PLXDC2: variants seen among roughly 807,000 people sequenced by gnomAD.
PLXDC2 encodes plexin domain containing 2.
A neutral mutation model predicts 68.9 loss-of-function variants in PLXDC2; 40 were observed. The ratio of observed to expected loss-of-function variants is 0.58; its 90% CI spans 0.45 to 0.76. PLXDC2 has a LOEUF of 0.76. PLXDC2 is among the 30% of genes least tolerant of loss of function. PLXDC2 has a pLI of 0.00. For synonymous variants in PLXDC2, 243 were observed against 234.2 expected (o/e 1.04, Z -0.34); for missense variants, 644 against 661.9 (o/e 0.97, Z 0.30).
chr10:19,955,970 T>C (rs557353735), intron 1 of PLXDC2, among the ~76,000 whole-genome samples: 2 of 152,048 alleles, frequency 1.3e-5, no homozygotes, highest in Non-Finnish European at 2.9e-5. Context: ...TCCCAGCTAC[T>C]TGGGAGGCTG....
intron 9 of PLXDC2, 26 bp from the exon 10 acceptor site, chr10:20,211,643 G>A: frequency 6.2e-7 from 1 of 1,611,380 alleles, no homozygotes; most frequent in Non-Finnish European, 8.5e-7. Context: ...TTCCTTTTCT[G>A]AACTGCATTG....
intron 12 of PLXDC2, among the ~76,000 whole-genome samples, chr10:20,230,706 A>AAAAAAAC: frequency 6.7e-6 from 1 of 149,748 alleles, no homozygotes; most frequent in South Asian, 2.1e-4. Context: ...AAAAAAAAAA[A>AAAAAAAC]AAAAAAAACA....
At chr10:20,157,802 T>C (rs1834236676) in intron 6 of PLXDC2, among the ~76,000 whole-genome samples, 1 of 152,240 alleles carries the variant, frequency 6.6e-6, no homozygotes, top group Admixed American at 6.5e-5. Context: ...AACCTATCTC[T>C]ATCTTGTTAT....
chr10:20,249,489 A>G (rs536541427), intron 13 of PLXDC2, among the ~76,000 whole-genome samples: 1 of 152,114 alleles, frequency 6.6e-6, no homozygotes, highest in Non-Finnish European at 1.5e-5. Context: ...CAGCTTCCAC[A>G]TGCCGCATGT....
intron 13 of PLXDC2, among the ~76,000 whole-genome samples, chr10:20,249,439 T>C (rs1181397273): frequency 2.0e-5 from 3 of 152,208 alleles, no homozygotes; most frequent in Admixed American, 6.5e-5. Context: ...GGCTGGTTCC[T>C]TCGGGAGGCT....
intron 2 of PLXDC2, among the ~76,000 whole-genome samples, chr10:20,012,271 A>AT (rs2131645144): frequency 6.8e-6 from 1 of 147,464 alleles, no homozygotes; most frequent in East Asian, 2.0e-4. Context: ...TCTAAGATAG[A>AT]TAAGGGGATA....
chr10:20,061,496 G>T (rs1267210196), intron 3 of PLXDC2, among the ~76,000 whole-genome samples: 6 of 152,106 alleles, frequency 3.9e-5, no homozygotes, highest in African/African-American at 1.4e-4. Context: ...TAGTGGTGAG[G>T]TTAATTTTGA....
At chr10:20,210,731 G>A (rs141636604) in intron 9 of PLXDC2, among the ~76,000 whole-genome samples, 9 of 152,304 alleles carry the variant, frequency 5.9e-5, no homozygotes, top group African/African-American at 1.2e-4. Context: ...TGAAATGCAC[G>A]TAGAGTGGAA....
intron 4 of PLXDC2, among the ~76,000 whole-genome samples, chr10:20,096,233 G>A (rs985720596): frequency 2.0e-5 from 3 of 152,098 alleles, no homozygotes; most frequent in Non-Finnish European, 2.9e-5. Context: ...CTCTGTGCAC[G>A]TTTCAGTTTT....
chr10:19,882,869 C>T (rs1471216294), intron 1 of PLXDC2, among the ~76,000 whole-genome samples: 1 of 151,698 alleles, frequency 6.6e-6, no homozygotes, highest in Admixed American at 6.6e-5. Context: ...GTTGCTTGTG[C>T]TTGAGTCTTG....
intron 1 of PLXDC2, among the ~76,000 whole-genome samples, chr10:19,839,319 C>A (rs192060474): frequency 6.6e-6 from 1 of 152,094 alleles, no homozygotes; most frequent in African/African-American, 2.4e-5. Flanking sequence ...TGAATGCAGC[C>A]CAACACAAAT....
chr10:20,238,884 A>G (rs895136053), intron 12 of PLXDC2, among the ~76,000 whole-genome samples: 2 of 151,416 alleles, frequency 1.3e-5, no homozygotes, highest in African/African-American at 4.9e-5. Context: ...AAGTGTTGAA[A>G]AGCAATGACA....
At chr10:19,823,506 A>T (rs567749884) in intron 1 of PLXDC2, among the ~76,000 whole-genome samples, 2 of 150,496 alleles carry the variant, frequency 1.3e-5, no homozygotes, top group Non-Finnish European at 3.0e-5. Flanking sequence ...ACATGGTGAA[A>T]CCCCGTCTTC....
At chr10:20,093,024 G>A (rs1461850206) in intron 4 of PLXDC2, among the ~76,000 whole-genome samples, 3 of 152,136 alleles carry the variant, frequency 2.0e-5, no homozygotes, top group African/African-American at 7.2e-5. Flanking sequence ...AAGAATAAAT[G>A]CATGTTGTTT....
intron 2 of PLXDC2, among the ~76,000 whole-genome samples, chr10:20,020,178 A>ATTTTTTTTTTTTTTTTTT (rs71388889): frequency 4.7e-5 from 5 of 107,352 alleles, no homozygotes; most frequent in Admixed American, 2.0e-4. Flanking sequence ...CACCCAGCAA[A>ATTTTTTTTTTTTTTTTTT]TTTTTTTTTT....
At chr10:20,025,992 G>T (rs892141217) in intron 2 of PLXDC2, among the ~76,000 whole-genome samples, 2 of 152,096 alleles carry the variant, frequency 1.3e-5, no homozygotes, top group African/African-American at 4.8e-5. Context: ...GCAGAGGAAA[G>T]CTATGAGCAA....
At chr10:19,978,986 G>A (rs1834503656) in intron 1 of PLXDC2, among the ~76,000 whole-genome samples, 1 of 152,166 alleles carries the variant, frequency 6.6e-6, no homozygotes, top group African/African-American at 2.4e-5. Context: ...ATGTATGCAT[G>A]TATATATAAA....
intron 3 of PLXDC2, among the ~76,000 whole-genome samples, chr10:20,051,395 AATATATATATATATATATATAT>A (rs57093355): frequency 0.28 from 33,714 of 118,462 alleles, 5,947 homozygotes; most frequent in East Asian, 0.62. Context: ...ATAAAGGTTA[AATATATATATATATATATATAT>A]ATATATATAT....
intron 4 of PLXDC2, among the ~76,000 whole-genome samples, chr10:20,122,116 G>T (rs2460574): frequency 0.93 from 140,977 of 151,826 alleles, 65,554 homozygotes; most frequent in Non-Finnish European, 0.94. Flanking sequence ...AGCAGATAAT[G>T]TAGTTAAAGT....
Sources: allele counts gnomAD v4.1 joint callset (sites outside exome capture counted in the v4.1 genomes callset), GRCh38; gene constraint gnomAD v4.1.1; transcripts MANE v1.5; gene names NCBI Gene and HGNC (gene_info 2026-07-23, HGNC 2026-07-21).